The following PSEN2 variants were observed in gnomAD, a reference collection of about 807,000 sequenced individuals.
PSEN2 encodes presenilin-2.
Under a neutral mutation model 49.1 loss-of-function variants are expected in PSEN2, and 32 were observed. That is an observed-to-expected ratio of 0.65 (90% CI 0.49 to 0.88). The LOEUF is 0.88. Ranked by LOEUF, PSEN2 falls within the 40% of genes least tolerant of loss-of-function variation. The probability of loss-of-function intolerance (pLI) is 0.00; values close to 1 mark genes in which losing one functional copy is unlikely to be tolerated. For missense variants in PSEN2, 522 were observed against 586.9 expected (o/e 0.89, Z 1.14); for synonymous variants, 255 against 244.0 (o/e 1.05, Z -0.42).
intron 12 of PSEN2, among the ~76,000 whole-genome samples, chr1:226,902,917 T>G (rs1247575732): frequency 6.6e-6 from 1 of 152,112 alleles, no homozygotes; most frequent in African/African-American, 2.4e-5. Context: ...CAGAGCCTAC[T>G]CGGAGGGGAA....
At chr1:226,900,342 G>A (rs1662276569), downstream of PSEN2, among the ~76,000 whole-genome samples, 1 of 152,158 alleles carries the variant, frequency 6.6e-6, no homozygotes, top group African/African-American at 2.4e-5. Flanking sequence ...CAAGGATGAG[G>A]TGCAGATCCA....
chr1:226,876,710 C>T lies in PSEN2; in HGVS notation c.-21+1160C>T, dbSNP rs1387346779. Among the ~76,000 whole-genome samples, 6 of 152,138 alleles carry T rather than the reference C, an allele frequency of 3.9e-5. No individual in the cohort carries two copies. The South Asian group carries it at 6.2e-4, about 16-fold the overall frequency. ...TTTTATGTTCGGTTAAATTTAACAG[C>T]GTGTCATTGTTCAGGTTATTAAATG... On this transcript the variant is annotated intron_variant, in intron 3 of 12. Transcript: ENST00000366783.
intron 7 of PSEN2, 87 bp from the exon 8 acceptor site, chr1:226,888,742 G>C: frequency 8.8e-7 from 1 of 1,141,546 alleles, no homozygotes; most frequent in Non-Finnish European, 1.3e-6. Flanking sequence ...TAGTAAAGAG[G>C]GCCAGGTTGG....
intron 10 of PSEN2, 29 bp from the exon 11 acceptor site, chr1:226,891,714 A>T (rs774972844): frequency 3.2e-6 from 5 of 1,561,604 alleles, no homozygotes; most frequent in Non-Finnish European, 4.4e-6. Flanking sequence ...CACGGTGATG[A>T]CGGACATCTT....
At chr1:226,881,850 A>G in intron 3 of PSEN2, 38 bp from the exon 4 acceptor site, 1 of 1,613,770 alleles carries the variant, frequency 6.2e-7, no homozygotes, top group South Asian at 1.1e-5. Flanking sequence ...TTTGTCTCAC[A>G]GGAAAGTGGA....
At chr1:226,884,985 C>G (rs547385828) in intron 5 of PSEN2, among the ~76,000 whole-genome samples, 3 of 152,082 alleles carry the variant, frequency 2.0e-5, no homozygotes, top group Admixed American at 6.6e-5. Flanking sequence ...GGGGATTCAG[C>G]GCAGAACAGG....
downstream of PSEN2, chr1:226,899,057 G>A (rs1000770825): frequency 2.0e-5 from 3 of 152,132 alleles, no homozygotes; most frequent in African/African-American, 7.2e-5. Context: ...CAAATGTCTG[G>A]TACATTGTGG....
chr1:226,890,144 CCCCCGTGCCT>C lies in PSEN2; in HGVS notation c.886+13_886+22del, dbSNP rs771505334. 3.1e-6 allele frequency: 5 copies of C among 1,603,566 alleles called. No individual in the cohort carries two copies. The African/African-American group carries it at 6.7e-5, about 21-fold the overall frequency. Reference sequence around the variant, plus strand: ...CCCTGATATACTCATGTGAGTGAGCCCCCCGTGCCTCTGCCTGACTCGGGGTCAGCAGGCA... The same window carrying C: ...CCCTGATATACTCATGTGAGTGAGCCCTGCCTGACTCGGGGTCAGCAGGCA... On this transcript the variant is annotated intron_variant, in intron 9 of 12. Transcript: ENST00000366783.
intron 3 of PSEN2, among the ~76,000 whole-genome samples, chr1:226,878,925 A>G (rs1660803003): frequency 6.6e-6 from 1 of 152,216 alleles, no homozygotes; most frequent in Non-Finnish European, 1.5e-5. Context: ...CCCCATTGCC[A>G]GAGTGGATAG....
chr1:226,897,331 C>T (rs1372181490), downstream of PSEN2, among the ~76,000 whole-genome samples: 1 of 152,156 alleles, frequency 6.6e-6, no homozygotes, highest in Non-Finnish European at 1.5e-5. Context: ...TGAGGTCTTT[C>T]AAAGGCCTGG....
intron 3 of PSEN2, among the ~76,000 whole-genome samples, chr1:226,880,001 G>T (rs1052315319): frequency 6.6e-6 from 1 of 152,218 alleles, no homozygotes; most frequent in Admixed American, 6.5e-5. Flanking sequence ...GCTGTCTTCA[G>T]AAAGAAGGGC....
At chr1:226,894,490 G>T (rs117025103) in intron 12 of PSEN2, among the ~76,000 whole-genome samples, 1 of 152,350 alleles carries the variant, frequency 6.6e-6, no homozygotes, top group East Asian at 1.9e-4. Context: ...TTGCTTAAGG[G>T]CCTTGCCCAT....
At chr1:226,892,451 C>T (rs763282020) in intron 11 of PSEN2, among the ~76,000 whole-genome samples, 32 of 152,154 alleles carry the variant, frequency 2.1e-4, no homozygotes, top group Non-Finnish European at 2.8e-4. Flanking sequence ...CGTCAGTACA[C>T]GGTGCCTGCC....
intron 8 of PSEN2, 32 bp from the exon 9 acceptor site, chr1:226,890,003 A>G: frequency 6.4e-7 from 1 of 1,561,638 alleles, no homozygotes; most frequent in African/African-American, 1.4e-5. Context: ...CTGCCCGGGG[A>G]TAGTTTGACA....
At chr1:226,902,226 G>C (rs1235990441) in intron 12 of PSEN2, among the ~76,000 whole-genome samples, 1 of 152,126 alleles carries the variant, frequency 6.6e-6, no homozygotes, top group African/African-American at 2.4e-5. Context: ...AATGGGGTTC[G>C]AGGTCCTATG....
intron 3 of PSEN2, among the ~76,000 whole-genome samples, chr1:226,875,852 A>C (rs1026808099): frequency 6.6e-6 from 1 of 152,218 alleles, no homozygotes; most frequent in Non-Finnish European, 1.5e-5. Context: ...GATCCCATTC[A>C]GCTGATTAAT....
chr1:226,880,790 G>A (rs1016587150), intron 3 of PSEN2: 1 of 1,606,746 alleles, frequency 6.2e-7, no homozygotes, highest in Non-Finnish European at 8.5e-7. Flanking sequence ...TAGGGGGCAG[G>A]CTTCCCTCCT....
rs58663378 is a variant in PSEN2 at position 226,889,281 on chromosome 1, CT to C, written c.787+245del. On this transcript the variant is annotated intron_variant, in intron 8 of 12. Coordinates refer to ENST00000366783, the MANE Select transcript of PSEN2 (RefSeq NM_000447.3). ...CAGTAGTCACTGAGCTCCTCATTTA[CT>C]TTTTTTTTTTTTGAGATGGAGTCTT... is the stretch of plus-strand genomic sequence containing the variant. Among the ~76,000 whole-genome samples, 1,740 of 145,616 alleles carry C rather than the reference CT, an allele frequency of 0.012. 18 individuals carry two copies. Among genetic ancestry groups the C allele is most frequent in the Admixed American group, 0.021 (310 of 14,542 alleles).
In PSEN2 at chr1:226,895,815, T is replaced by G. The variant is rs1050239559; in HGVS notation, c.*236T>G. The G allele has an allele frequency of 3.5e-6, 2 of 576,020 alleles. No individual in the cohort carries two copies. The highest frequency in any genetic ancestry group is 6.2e-6 in the Non-Finnish European group (2 of 323,984). 35.7% of individuals were successfully genotyped at this position (576,020 alleles called of 1,614,324 possible). A position where few individuals can be genotyped will look rare whatever the true frequency, so the allele number is the denominator to read the frequency against. On this transcript the variant is annotated 3_prime_UTR_variant, in exon 13 of 13. Transcript: ENST00000366783. ...CTTCACGGACAGGAAGCACAGCAGGTTTATCCAGATGAACTGAGAAGGTCA... is the reference window on the plus strand; with the variant it reads ...CTTCACGGACAGGAAGCACAGCAGGGTTATCCAGATGAACTGAGAAGGTCA...
Sources: allele counts gnomAD v4.1 joint callset (sites outside exome capture counted in the v4.1 genomes callset), GRCh38; gene constraint gnomAD v4.1.1; transcripts MANE v1.5; gene names NCBI Gene and HGNC (gene_info 2026-07-23, HGNC 2026-07-21).